Variants in LYRM4 observed in about 807,000 individuals in gnomAD.
The protein encoded by LYRM4 is LYR motif-containing protein 4.
A neutral mutation model predicts 11.7 loss-of-function variants in LYRM4; 9 were observed. The observed-to-expected ratio is 0.77, with a 90% CI of 0.46 to 1.34. The LOEUF (loss-of-function observed/expected upper bound fraction) is 1.34. Among genes scored for constraint, LYRM4 ranks in the 40% most tolerant of loss-of-function variants. LYRM4 has a pLI of 0.00. For synonymous variants in LYRM4, 42 were observed against 40.4 expected (o/e 1.04, Z -0.15); for missense variants, 133 against 112.5 (o/e 1.18, Z -0.82).
intron 2 of LYRM4, among the ~76,000 whole-genome samples, chr6:5,185,745 G>T (rs1198866966): frequency 1.3e-5 from 2 of 152,174 alleles, no homozygotes; most frequent in African/African-American, 4.8e-5. Context: ...ACACTTAAGT[G>T]AGATGTCAGG....
intron 1 of LYRM4, among the ~76,000 whole-genome samples, chr6:5,228,615 TAAA>T (rs1763039027): frequency 6.6e-6 from 1 of 152,098 alleles, no homozygotes; most frequent in African/African-American, 2.4e-5. Context: ...AGATAATGCA[TAAA>T]ATCTTTGGAA....
the LYRM4 span, among the ~76,000 whole-genome samples, chr6:5,045,692 C>G: frequency 6.6e-6 from 1 of 152,220 alleles, no homozygotes; most frequent in South Asian, 2.1e-4. Context: ...CTGCTTCTTT[C>G]ATTATAAAAT....
intron 2 of LYRM4, among the ~76,000 whole-genome samples, chr6:5,184,524 A>G (rs1442488272): frequency 2.0e-5 from 3 of 152,182 alleles, no homozygotes. Flanking sequence ...TCTTGCTTAT[A>G]TTTTAAAAAG....
At chr6:5,199,947 C>T (rs1376692037) in intron 2 of LYRM4, among the ~76,000 whole-genome samples, 2 of 152,212 alleles carry the variant, frequency 1.3e-5, no homozygotes. Context: ...AGTTTCAAAA[C>T]AGACTGGTCT....
At chr6:5,160,689 A>C (rs1414631280) in intron 2 of LYRM4, among the ~76,000 whole-genome samples, 4 of 151,610 alleles carry the variant, frequency 2.6e-5, no homozygotes, top group African/African-American at 9.7e-5. Context: ...GAGTGCATTA[A>C]ACCTCTTTTT....
the LYRM4 span, among the ~76,000 whole-genome samples, chr6:5,053,299 C>G: frequency 3.3e-5 from 5 of 152,114 alleles, no homozygotes; most frequent in Non-Finnish European, 7.3e-5. Flanking sequence ...TCTACTGCAG[C>G]CCACTAACAG....
downstream of LYRM4, chr6:5,105,816 AAAAAC>A (rs571618331): frequency 4.4e-3 from 682 of 154,708 alleles, 3 homozygotes; most frequent in African/African-American, 0.014. Context: ...TCTGTCTCAA[AAAAAC>A]AAAACAAAAC....
chr6:5,086,234 TG>T, the LYRM4 span: 2 of 1,535,398 alleles, frequency 1.3e-6, no homozygotes, highest in East Asian at 4.9e-5. Context: ...GCCGTGACCG[TG>T]CGCTACACCT....
At chr6:5,144,187 A>G in intron 2 of LYRM4, 1 of 1,536,832 alleles carries the variant, frequency 6.5e-7, no homozygotes, top group Non-Finnish European at 8.7e-7. Flanking sequence ...CCTCAAGGCC[A>G]ACTTGTGCAG....
rs142493825 is a variant in LYRM4, at chr6:5,146,301, T to C, written c.208-36810A>G. ...GCCCTGTCCCTAAGGAGACTAGACT[T>C]GACTCAGAGTAAAGAATGGGCCTGT... On this transcript the variant is annotated intron_variant, in intron 2 of 2. Transcript: ENST00000330636. Among the ~76,000 whole-genome samples the C allele has an allele frequency of 5.3e-3, 801 of 152,324 alleles. 7 individuals are homozygous for C. Among genetic ancestry groups the C allele is most frequent in the African/African-American group, 0.018 (764 of 41,568 alleles).
At chr6:5,241,086 G>A (rs1323517821) in intron 1 of LYRM4, among the ~76,000 whole-genome samples, 1 of 152,140 alleles carries the variant, frequency 6.6e-6, no homozygotes, top group African/African-American at 2.4e-5. Flanking sequence ...TTGCAAAATG[G>A]GGGAAATTAA....
intron 2 of LYRM4, among the ~76,000 whole-genome samples, chr6:5,204,222 T>A (rs1761559525): frequency 6.6e-6 from 1 of 152,058 alleles, no homozygotes; most frequent in Non-Finnish European, 1.5e-5. Flanking sequence ...TTCCACAGTC[T>A]CCTTTCATCC....
intron 1 of LYRM4, among the ~76,000 whole-genome samples, chr6:5,245,113 A>AAT (rs1158676783): frequency 4.1e-3 from 98 of 24,116 alleles, no homozygotes; most frequent in South Asian, 6.4e-3. Flanking sequence ...AAAAAAAAAA[A>AAT]ATATATATAT....
chr6:5,170,374 T>C (rs540241927), intron 2 of LYRM4, among the ~76,000 whole-genome samples: 1 of 152,252 alleles, frequency 6.6e-6, no homozygotes, highest in East Asian at 1.9e-4. Context: ...TGCACATATA[T>C]ATATATATGC....
the LYRM4 span, among the ~76,000 whole-genome samples, chr6:5,046,816 A>T: frequency 6.6e-6 from 1 of 152,192 alleles, no homozygotes. Flanking sequence ...ACGGTGGGGC[A>T]TGGTAGCACA....
At chr6:5,194,451 TCTC>T (rs1760939489) in intron 2 of LYRM4, among the ~76,000 whole-genome samples, 1 of 152,120 alleles carries the variant, frequency 6.6e-6, no homozygotes, top group Admixed American at 6.5e-5. Context: ...TAATTTCTCT[TCTC>T]TGGCAAAATG....
At chr6:5,117,886 T>G (rs939925874) in intron 2 of LYRM4, among the ~76,000 whole-genome samples, 7 of 149,218 alleles carry the variant, frequency 4.7e-5, no homozygotes, top group African/African-American at 1.8e-4. Flanking sequence ...CTCTTAACAG[T>G]TTTTTTTTCC....
At chr6:5,075,985 CG>C in the LYRM4 span, among the ~76,000 whole-genome samples, 4 of 151,402 alleles carry the variant, frequency 2.6e-5, no homozygotes, top group African/African-American at 9.7e-5. Context: ...AAACCCGTCA[CG>C]CAGGCTGGAG....
At chr6:5,071,345 A>AGAT in the LYRM4 span, among the ~76,000 whole-genome samples, 166 of 152,194 alleles carry the variant, frequency 1.1e-3, 1 homozygote, top group South Asian at 0.031. Context: ...TATTTAAAAA[A>AGAT]TTTTTTTAAA....
Sources: allele counts gnomAD v4.1 joint callset (sites outside exome capture counted in the v4.1 genomes callset), GRCh38; gene constraint gnomAD v4.1.1; transcripts MANE v1.5; gene names NCBI Gene and HGNC (gene_info 2026-07-23, HGNC 2026-07-21).